The following KIAA2012 variants were observed in gnomAD, a reference collection of about 807,000 sequenced individuals.
The protein encoded by KIAA2012 is uncharacterized protein KIAA2012.
KIAA2012 carries 125 observed loss-of-function variants against 150.6 expected under a neutral mutation model. The observed-to-expected ratio is 0.83, with a 90% CI of 0.72 to 0.96. KIAA2012 has a LOEUF of 0.96. Among genes scored for constraint, KIAA2012 ranks in the 40% least tolerant of loss-of-function variants. The pLI, the probability that KIAA2012 is intolerant of heterozygous loss-of-function variation, is 0.00. For missense variants in KIAA2012, 1,219 were observed against 1,354.9 expected, an observed-to-expected ratio of 0.90 and a Z score of 1.57; for synonymous variants, 462 against 504.7, an observed-to-expected ratio of 0.92 and a Z score of 1.13.
At position 202,134,779 on chromosome 2, in the gene KIAA2012, T is replaced by G. The variant is rs974530550; in HGVS notation, c.1832-3653T>G. 4.6e-5 allele frequency among the ~76,000 whole-genome samples: 7 copies of G among 152,328 alleles called. No homozygotes were observed. In the East Asian group the frequency reaches 1.3e-3, roughly 29 times the overall value. Reference sequence around the variant, plus strand: ...CATGTTGGCCAGGCTAGTCTCAAACTCCTGACCTCAAGTGATCCGCCCGCC... The same window carrying G: ...CATGTTGGCCAGGCTAGTCTCAAACGCCTGACCTCAAGTGATCCGCCCGCC... On this transcript the variant is annotated intron_variant, in intron 12 of 23. Transcript: ENST00000498697.
intron 11 of KIAA2012, chr2:202,115,529 C>T (rs1008127244): frequency 5.3e-5 from 8 of 152,304 alleles, no homozygotes; most frequent in Admixed American, 3.9e-4. Flanking sequence ...GATGTAGCCT[C>T]AGCCCCATTC....
intron 14 of KIAA2012, among the ~76,000 whole-genome samples, chr2:202,156,571 A>G (rs969184095): frequency 6.6e-6 from 1 of 152,166 alleles, no homozygotes; most frequent in African/African-American, 2.4e-5. Context: ...CAGAGTGTGT[A>G]GCATGTTCAA....
At chr2:202,182,914 T>G (rs571986265) in intron 15 of KIAA2012, among the ~76,000 whole-genome samples, 31 of 152,290 alleles carry the variant, frequency 2.0e-4, no homozygotes, top group African/African-American at 7.0e-4. Flanking sequence ...ATTTTTTTTG[T>G]GTTTTCCAAT....
chr2:202,107,229 A>G (rs1690219685), intron 9 of KIAA2012, among the ~76,000 whole-genome samples: 1 of 71,066 alleles, frequency 1.4e-5, no homozygotes, highest in Non-Finnish European at 3.1e-5. Flanking sequence ...TTTCTAACTA[A>G]TACCAAAAAA....
At chr2:202,088,343 A>G (rs1689628067) in intron 2 of KIAA2012, among the ~76,000 whole-genome samples, 1 of 152,166 alleles carries the variant, frequency 6.6e-6, no homozygotes, top group Non-Finnish European at 1.5e-5. Flanking sequence ...AGGAGAAAAG[A>G]CCTAATATTT....
chr2:202,181,874 A>C (rs1692127087), intron 15 of KIAA2012, among the ~76,000 whole-genome samples: 1 of 152,048 alleles, frequency 6.6e-6, no homozygotes, highest in Non-Finnish European at 1.5e-5. Context: ...TTATCAAGGG[A>C]TAATTGACAT....
intron 22 of KIAA2012, chr2:202,201,835 G>A: frequency 7.8e-7 from 1 of 1,288,364 alleles, no homozygotes; most frequent in South Asian, 1.2e-5. Context: ...GGATTCCCAG[G>A]AGGCTGCACA....
At chr2:202,185,839 G>C (rs1398893424) in intron 16 of KIAA2012, among the ~76,000 whole-genome samples, 3 of 152,098 alleles carry the variant, frequency 2.0e-5, no homozygotes, top group Non-Finnish European at 4.4e-5. Flanking sequence ...TTCTAAAGGA[G>C]ACTTCTCGTA....
chr2:202,119,382 T>C (rs1480566338), intron 11 of KIAA2012, among the ~76,000 whole-genome samples: 1 of 152,204 alleles, frequency 6.6e-6, no homozygotes, highest in Non-Finnish European at 1.5e-5. Context: ...TTTTTTAAGA[T>C]GATGGTACTT....
chr2:202,169,251 T>A (rs1691834544), intron 15 of KIAA2012, among the ~76,000 whole-genome samples: 1 of 152,196 alleles, frequency 6.6e-6, no homozygotes, highest in African/African-American at 2.4e-5. Flanking sequence ...AATGAATGAA[T>A]ATGCTAAGTA....
At chr2:202,187,343 T>C (rs958191700) in intron 17 of KIAA2012, among the ~76,000 whole-genome samples, 1 of 152,086 alleles carries the variant, frequency 6.6e-6, no homozygotes, top group Non-Finnish European at 1.5e-5. Context: ...CTCACTGTGT[T>C]GCCCAGGCTG....
intron 14 of KIAA2012, among the ~76,000 whole-genome samples, chr2:202,162,527 G>A (rs1405026713): frequency 1.3e-5 from 2 of 150,862 alleles, no homozygotes; most frequent in East Asian, 1.9e-4. Flanking sequence ...CACCCACCTG[G>A]GCCTCCTAAA....
intron 12 of KIAA2012, among the ~76,000 whole-genome samples, chr2:202,134,253 C>A (rs1241094376): frequency 6.6e-6 from 1 of 152,168 alleles, no homozygotes; most frequent in Non-Finnish European, 1.5e-5. Flanking sequence ...GGTGTGCATG[C>A]CTCAGAAATG....
intron 1 of KIAA2012, 122 bp downstream of exon 1, chr2:202,073,833 T>C: frequency 1.4e-6 from 1 of 733,390 alleles, no homozygotes; most frequent in South Asian, 1.9e-5. Context: ...GCGGGGTCAC[T>C]GGAAGATCTT....
At chr2:202,144,140 G>A (rs1376864469) in intron 13 of KIAA2012, among the ~76,000 whole-genome samples, 1 of 152,134 alleles carries the variant, frequency 6.6e-6, no homozygotes, top group African/African-American at 2.4e-5. Flanking sequence ...ACTATTTCCA[G>A]GCTAGGGAGA....
chr2:202,090,648 G>T, intron 2 of KIAA2012, 122 bp from the exon 3 acceptor site: 1 of 1,151,482 alleles, frequency 8.7e-7, no homozygotes. Context: ...TCTGTTTTTG[G>T]TGCCTTCTGG....
At chr2:202,197,358 C>G (rs1347487213) in intron 22 of KIAA2012, 2 of 306,090 alleles carry the variant, frequency 6.5e-6, no homozygotes, top group African/African-American at 4.2e-5. Context: ...CTAAGACCCC[C>G]TGATTTCGAA....
chr2:202,113,464 A>T lies in KIAA2012; in HGVS notation c.1762+18A>T. 6.7e-7 allele frequency: 1 copy of T among 1,484,094 alleles called. No individual in the cohort carries two copies. The highest frequency in any genetic ancestry group is 9.0e-7 in the Non-Finnish European group (1 of 1,109,194). The allele number at this position is 1,484,094 out of a possible 1,614,324, so 91.9% of individuals were successfully genotyped here. ...GGGTAAAGGTAAGCTAACACATTCC[A>T]GGGCAGCCTTGTTTTTTTTTTTTCA... is the stretch of plus-strand genomic sequence containing the variant. On this transcript the variant is annotated intron_variant, in intron 11 of 23. Coordinates refer to ENST00000498697, the MANE Select transcript of KIAA2012 (RefSeq NM_001277372.4).
At chr2:202,138,775 G>T (rs560250892) in intron 13 of KIAA2012, among the ~76,000 whole-genome samples, 1 of 152,184 alleles carries the variant, frequency 6.6e-6, no homozygotes, top group Non-Finnish European at 1.5e-5. Flanking sequence ...GTCAGAAAGG[G>T]AATAAGGGAA....
Sources: gnomAD v4.1 joint callset for allele counts (sites outside exome capture counted in the v4.1 genomes callset) on GRCh38, gnomAD v4.1.1 for gene constraint, MANE v1.5 for transcripts, NCBI Gene and HGNC (gene_info 2026-07-23, HGNC 2026-07-21) for gene names.